TSGA10: variants seen among roughly 807,000 people sequenced by gnomAD.
The protein encoded by TSGA10 is testis-specific gene 10 protein.
Under a neutral mutation model 96.6 loss-of-function variants are expected in TSGA10, and 43 were observed. The ratio of observed to expected loss-of-function variants is 0.44; its 90% confidence interval spans 0.35 to 0.57. The LOEUF (loss-of-function observed/expected upper bound fraction) is 0.57, where lower values mean the gene tolerates loss of function less well. Among genes scored for constraint, TSGA10 ranks in the 20% least tolerant of loss-of-function variants. TSGA10 has a pLI of 0.01. For missense variants in TSGA10, 703 were observed against 834.4 expected (o/e 0.84, Z 1.94); for synonymous variants, 229 against 269.9 (o/e 0.85, Z 1.48).
chr2:99,147,377 C>G, intron 1 of TSGA10: 4 of 1,234,644 alleles, frequency 3.2e-6, no homozygotes, highest in Non-Finnish European at 4.8e-6. Context: ...CTTTATGTAC[C>G]TTTATTCTTA....
intron 1 of TSGA10, among the ~76,000 whole-genome samples, chr2:99,151,913 C>G (rs1475936485): frequency 6.6e-6 from 1 of 152,126 alleles, no homozygotes; most frequent in Non-Finnish European, 1.5e-5. Flanking sequence ...GAAAGGGCAT[C>G]TTTTCCGGGG....
At chr2:99,014,359 C>G (rs957131374) in intron 20 of TSGA10, among the ~76,000 whole-genome samples, 1 of 151,862 alleles carries the variant, frequency 6.6e-6, no homozygotes, top group East Asian at 1.9e-4. Flanking sequence ...TAATTATCAT[C>G]ATCATCATCA....
intron 1 of TSGA10, 141 bp from the exon 2 acceptor site, chr2:99,127,317 AACTTT>A: frequency 1.5e-6 from 1 of 670,484 alleles, no homozygotes; most frequent in South Asian, 2.4e-5. Context: ...GATTTCATCA[AACTTT>A]ACCTTCTTAA....
intron 16 of TSGA10, among the ~76,000 whole-genome samples, chr2:99,060,665 G>A (rs2084584733): frequency 6.6e-6 from 1 of 151,968 alleles, no homozygotes; most frequent in African/African-American, 2.4e-5. Context: ...CACATTTGGA[G>A]GATTTAACTA....
chr2:99,006,930 C>T (rs145218406), intron 20 of TSGA10, among the ~76,000 whole-genome samples: 2,765 of 152,084 alleles, frequency 0.018, 87 homozygotes, highest in African/African-American at 0.063. Flanking sequence ...ATTAAGAAAA[C>T]GTGGCATATA....
chr2:99,115,243 A>G (rs907589766), intron 4 of TSGA10, among the ~76,000 whole-genome samples: 2 of 152,118 alleles, frequency 1.3e-5, no homozygotes, highest in African/African-American at 4.8e-5. Context: ...CAATTTTGAT[A>G]ATTTTTATAA....
intron 16 of TSGA10, among the ~76,000 whole-genome samples, chr2:99,047,434 A>C (rs1476435899): frequency 6.6e-6 from 1 of 152,208 alleles, no homozygotes; most frequent in East Asian, 1.9e-4. Flanking sequence ...GCAAATCAAT[A>C]AATGTAATCC....
rs1041351438 is a variant in TSGA10, at chr2:99,148,992, TAAATAA to T, written c.-621+5695_-621+5700del. On this transcript the variant is annotated intron_variant, in intron 1 of 20. Coordinates refer to ENST00000393483, the MANE Select transcript of TSGA10 (RefSeq NM_025244.4). Reference sequence around the variant, plus strand: ...AATAAAATATAGACTGGAAAAAAAATAAATAAAAATAAAAATAAAAATACAAACATT... The same window carrying T: ...AATAAAATATAGACTGGAAAAAAAATAAATAAAAATAAAAATACAAACATT... 3.4e-4 allele frequency among the ~76,000 whole-genome samples: 51 copies of T among 151,316 alleles called. 1 individual carries two copies. The highest frequency in any genetic ancestry group is 2.2e-3 in the Admixed American group (33 of 15,194).
chr2:99,106,004 A>T (rs544269369), intron 7 of TSGA10, among the ~76,000 whole-genome samples: 1 of 152,222 alleles, frequency 6.6e-6, no homozygotes, highest in African/African-American at 2.4e-5. Flanking sequence ...TTTGTAGTGT[A>T]AATTTAAATT....
rs2085099318 is a variant in TSGA10, at chr2:99,064,954, G to C, written c.1389C>G (p.Asn463Lys). Residue 463 changes from asparagine (N) to lysine (K), a missense_variant, in exon 16 of 21, where the codon AAC becomes AAG. Asn to Lys is a moderately conservative substitution (Grantham distance 94). Coordinates refer to ENST00000393483, the MANE Select transcript of TSGA10 (RefSeq NM_025244.4). ...NRLKEKVDSL[N>K]REVEQHLNAE... ...CCAAACTTACTTGCTCAACCTCTCT[G>C]TTGAGGGAATCTACTTTTTCTTTTA... 9 of 1,599,872 alleles carry C rather than the reference G, an allele frequency of 5.6e-6. No homozygotes were observed. Among genetic ancestry groups the C allele is most frequent in the Non-Finnish European group, 7.7e-6 (9 of 1,175,048 alleles).
At chr2:99,140,851 G>C (rs1429836499) in intron 1 of TSGA10, among the ~76,000 whole-genome samples, 1 of 152,030 alleles carries the variant, frequency 6.6e-6, no homozygotes, top group African/African-American at 2.4e-5. Context: ...GTGACCATAG[G>C]AACTGGGCTC....
chr2:99,141,541 C>G (rs1487795883), intron 1 of TSGA10: 2 of 117,306 alleles, frequency 1.7e-5, no homozygotes, highest in Non-Finnish European at 4.1e-5. Context: ...GGACCCCTTC[C>G]TGGCCCATCC....
chr2:99,065,120 G>C lies in TSGA10; in HGVS notation c.1223C>G (p.Ser408Cys). 10 of 1,610,820 alleles carry C rather than the reference G, an allele frequency of 6.2e-6. No individual in the cohort carries two copies. The highest frequency in any genetic ancestry group is 8.5e-6 in the Non-Finnish European group (10 of 1,179,196). ...KLKNILKSEE[S>C]ENRQMMEQLR... is the part of the protein sequence containing the mutation. ...TTGTTCCATCATTTGCCGGTTCTCA[G>C]ATTCCTGAAAAGCAAACTTTAGCTA... The change falls in exon 16 of 21, where the codon TCT (serine) becomes TGT (cysteine). Residue 408 changes from serine to cysteine, a missense_variant. Transcript: ENST00000393483.
chr2:99,091,536 A>C (rs972260027), intron 10 of TSGA10, among the ~76,000 whole-genome samples: 13 of 152,178 alleles, frequency 8.5e-5, no homozygotes, highest in Non-Finnish European at 1.5e-4. Flanking sequence ...TCACTGAACA[A>C]GTATCTGCTG....
At chr2:99,120,210 TTAAG>T (rs778827533) in intron 2 of TSGA10, among the ~76,000 whole-genome samples, 1 of 152,176 alleles carries the variant, frequency 6.6e-6, no homozygotes, top group Non-Finnish European at 1.5e-5. Context: ...CCTCAAATTA[TTAAG>T]TAAGCAAATA....
At chr2:99,015,231 G>C (rs1045713855) in intron 20 of TSGA10, among the ~76,000 whole-genome samples, 8 of 152,048 alleles carry the variant, frequency 5.3e-5, no homozygotes, top group African/African-American at 1.4e-4. Flanking sequence ...CATAGATGCA[G>C]AAGTCCTAAA....
Position 98,998,087 on chromosome 2 carries a change from C to T in TSGA10, c.*110G>A. ...TTCAGAGACACAAAGTTAATAAATA[C>T]ATTTAACATTGCCAAGCATTTAAAA... On this transcript the variant is annotated 3_prime_UTR_variant, in exon 21 of 21. Coordinates refer to ENST00000393483, the MANE Select transcript of TSGA10 (RefSeq NM_025244.4). 2 of 918,092 alleles carry T rather than the reference C, an allele frequency of 2.2e-6. No individual in the cohort carries two copies. Among genetic ancestry groups the T allele is most frequent in the Non-Finnish European group, 1.7e-6 (1 of 589,746 alleles). The allele number at this position is 918,092 out of a possible 1,614,324, so 56.9% of individuals were successfully genotyped here.
At chr2:99,076,594 C>A (rs1317364927) in intron 12 of TSGA10, among the ~76,000 whole-genome samples, 1 of 151,962 alleles carries the variant, frequency 6.6e-6, no homozygotes, top group Non-Finnish European at 1.5e-5. Context: ...TATATACACA[C>A]ACACATACAC....
chr2:99,141,249 C>G (rs1375987458), intron 1 of TSGA10: 2 of 924,744 alleles, frequency 2.2e-6, no homozygotes, highest in East Asian at 1.1e-4. Flanking sequence ...TGGCCCCGCC[C>G]CGGCGGATCG....
Sources: allele counts gnomAD v4.1 joint callset (sites outside exome capture counted in the v4.1 genomes callset), GRCh38; gene constraint gnomAD v4.1.1; transcripts MANE v1.5; gene names NCBI Gene and HGNC (gene_info 2026-07-23, HGNC 2026-07-21).